The following MYO5B variants were observed in gnomAD, a reference collection of about 807,000 sequenced individuals.
MYO5B encodes the protein unconventional myosin-Vb.
Under a neutral mutation model 229.3 loss-of-function variants are expected in MYO5B, and 143 were observed. The ratio of observed to expected loss-of-function variants is 0.62; its 90% confidence interval spans 0.54 to 0.72. MYO5B has a LOEUF of 0.72. Among genes scored for constraint, MYO5B ranks in the 30% least tolerant of loss-of-function variants. MYO5B has a pLI of 0.00. For missense variants in MYO5B, 2,321 were observed against 2,331.0 expected, an observed-to-expected ratio of 1.00 and a Z score of 0.09; for synonymous variants, 918 against 885.2, an observed-to-expected ratio of 1.04 and a Z score of -0.66.
rs749783331 is a variant in MYO5B, at chr18:49,839,126, C to G, written c.4852+18G>C. ...AGACACCATGATGAGTGATGTAGCT[C>G]TCCTGCTGCCAGCTTACCTATCATC... On this transcript the variant is annotated intron_variant, in intron 36 of 39. Coordinates refer to ENST00000285039, the MANE Select transcript of MYO5B (RefSeq NM_001080467.3). The G allele has an allele frequency of 2.2e-5, 35 of 1,612,472 alleles. No homozygotes were observed. Among genetic ancestry groups the G allele is most frequent in the Non-Finnish European group, 2.9e-5 (34 of 1,179,922 alleles).
intron 1 of MYO5B, among the ~76,000 whole-genome samples, chr18:50,078,898 T>A (rs772498783): frequency 6.6e-6 from 1 of 152,212 alleles, no homozygotes; most frequent in East Asian, 1.9e-4. Flanking sequence ...CACAGCAGCA[T>A]ACTATACAGC....
chr18:49,919,108 C>T (rs1354951052), intron 17 of MYO5B, among the ~76,000 whole-genome samples: 1 of 152,180 alleles, frequency 6.6e-6, no homozygotes, highest in Non-Finnish European at 1.5e-5. Context: ...TCAATGTGAT[C>T]CTTTCAACAA....
chr18:50,106,149 T>C (rs910575857), intron 1 of MYO5B, among the ~76,000 whole-genome samples: 4 of 152,086 alleles, frequency 2.6e-5, no homozygotes, highest in African/African-American at 9.7e-5. Context: ...ACTTCCCCTC[T>C]ACCTCGTTAA....
At chr18:50,146,248 G>A (rs2032500230) in intron 1 of MYO5B, among the ~76,000 whole-genome samples, 1 of 152,216 alleles carries the variant, frequency 6.6e-6, no homozygotes, top group African/African-American at 2.4e-5. Context: ...TTAGAGATGG[G>A]GAAATCAAAA....
In MYO5B at chr18:49,872,277, A is replaced by G. The variant is rs1352284115; in HGVS notation, c.3538-45T>C. 3.8e-6 allele frequency: 6 copies of G among 1,594,074 alleles called. No individual in the cohort carries two copies. The East Asian group carries it at 6.7e-5, about 18-fold the overall frequency. Reference sequence around the variant, plus strand: ...AAGATAAGTGCAGACCTCGAGCAAGATATTCCACAGAGGTGTTTCCAACTG... The same window carrying G: ...AAGATAAGTGCAGACCTCGAGCAAGGTATTCCACAGAGGTGTTTCCAACTG... On this transcript the variant is annotated intron_variant, in intron 26 of 39. Coordinates refer to ENST00000285039, the MANE Select transcript of MYO5B (RefSeq NM_001080467.3).
chr18:49,875,532 A>C (rs908426001), intron 26 of MYO5B, among the ~76,000 whole-genome samples, 155 bp downstream of exon 26: 34 of 152,136 alleles, frequency 2.2e-4, no homozygotes, highest in African/African-American at 8.2e-4. Flanking sequence ...CTCAGAGAAG[A>C]CTCAGCATGA....
chr18:49,967,715 T>C (rs1248552871), intron 10 of MYO5B, among the ~76,000 whole-genome samples: 1 of 152,096 alleles, frequency 6.6e-6, no homozygotes, highest in Non-Finnish European at 1.5e-5. Context: ...CTATAAAATC[T>C]CACAAGGCCA....
chr18:50,176,304 T>G (rs900734689), intron 1 of MYO5B, among the ~76,000 whole-genome samples: 15 of 152,330 alleles, frequency 9.8e-5, no homozygotes, highest in African/African-American at 3.6e-4. Context: ...CTGAACTGCC[T>G]AAACAGACTC....
At chr18:50,132,907 T>C (rs1170172964) in intron 1 of MYO5B, among the ~76,000 whole-genome samples, 1 of 152,262 alleles carries the variant, frequency 6.6e-6, no homozygotes, top group Non-Finnish European at 1.5e-5. Flanking sequence ...TGGTTACATA[T>C]ACATCCATAG....
At chr18:49,876,774 G>A (rs1194890638) in intron 25 of MYO5B, among the ~76,000 whole-genome samples, 6 of 152,206 alleles carry the variant, frequency 3.9e-5, no homozygotes, top group Non-Finnish European at 7.3e-5. Context: ...TACTAAGTGC[G>A]TCTGGCAGGC....
chr18:50,005,598 G>A (rs919802333), intron 4 of MYO5B, among the ~76,000 whole-genome samples: 2 of 152,138 alleles, frequency 1.3e-5, no homozygotes, highest in African/African-American at 4.8e-5. Flanking sequence ...TCTATTTTTT[G>A]TAGAGATGGG....
intron 33 of MYO5B, among the ~76,000 whole-genome samples, chr18:49,845,958 T>C (rs2024120940): frequency 6.6e-6 from 1 of 152,156 alleles, no homozygotes; most frequent in Non-Finnish European, 1.5e-5. Flanking sequence ...GGCTCCTCTT[T>C]TCACAGAGAA....
intron 1 of MYO5B, among the ~76,000 whole-genome samples, chr18:50,094,003 T>C (rs1337778426): frequency 1.3e-5 from 2 of 152,196 alleles, no homozygotes; most frequent in Admixed American, 1.3e-4. Flanking sequence ...GGGGCTTCTC[T>C]GCCTTCGGAG....
intron 7 of MYO5B, 139 bp downstream of exon 7, chr18:49,990,300 A>G: frequency 1.4e-6 from 1 of 692,782 alleles, no homozygotes. Flanking sequence ...AAATTTAGAG[A>G]GGCCTAGGGG....
At chr18:49,916,804 A>C (rs1425954221) in intron 17 of MYO5B, among the ~76,000 whole-genome samples, 3 of 152,162 alleles carry the variant, frequency 2.0e-5, no homozygotes, top group Non-Finnish European at 4.4e-5. Context: ...ATCAAATGTG[A>C]ATTCTCCTTT....
intron 6 of MYO5B, among the ~76,000 whole-genome samples, chr18:49,991,158 C>T (rs2025928354): frequency 6.6e-6 from 1 of 152,188 alleles, no homozygotes; most frequent in African/African-American, 2.4e-5. Context: ...CAAGCTGCTT[C>T]CCTGGCTGTG....
chr18:50,070,383 T>C (rs2030927868), intron 1 of MYO5B, among the ~76,000 whole-genome samples: 1 of 152,080 alleles, frequency 6.6e-6, no homozygotes, highest in Admixed American at 6.6e-5. Flanking sequence ...ACTGATTTTC[T>C]AGACTGCTTG....
intron 1 of MYO5B, among the ~76,000 whole-genome samples, chr18:50,160,065 TG>T (rs2032742056): frequency 1.3e-5 from 2 of 152,240 alleles, no homozygotes; most frequent in Non-Finnish European, 2.9e-5. Flanking sequence ...CCTCTGTCCA[TG>T]GGACCACATG....
chr18:49,903,670 C>T (rs1906457006), intron 20 of MYO5B, among the ~76,000 whole-genome samples: 1 of 152,168 alleles, frequency 6.6e-6, no homozygotes, highest in Non-Finnish European at 1.5e-5. Context: ...AAAATCACAC[C>T]TTCTGTGATC....
Sources: allele counts gnomAD v4.1 joint callset (sites outside exome capture counted in the v4.1 genomes callset), GRCh38; gene constraint gnomAD v4.1.1; transcripts MANE v1.5; gene names NCBI Gene and HGNC (gene_info 2026-07-23, HGNC 2026-07-21).